Variants in NHEJ1 observed in about 807,000 individuals in gnomAD.
NHEJ1 encodes the protein non-homologous end joining factor 1, also known as non-homologous end-joining factor 1.
In NHEJ1, 22 loss-of-function variants were observed where a neutral mutation model predicts 39.4. The observed-to-expected ratio is 0.56, with a 90% CI of 0.40 to 0.80. The LOEUF (loss-of-function observed/expected upper bound fraction) is 0.80, where lower values mean the gene tolerates loss of function less well. Among genes scored for constraint, NHEJ1 ranks in the 30% least tolerant of loss-of-function variants. The pLI, the probability that NHEJ1 is intolerant of heterozygous loss-of-function variation, is 0.00. For missense variants in NHEJ1, 329 were observed against 357.1 expected, an observed-to-expected ratio of 0.92 and a Z score of 0.63; for synonymous variants, 154 against 135.6, an observed-to-expected ratio of 1.14 and a Z score of -0.94.
At chr2:219,107,281 G>A (rs73991045) in intron 5 of NHEJ1, among the ~76,000 whole-genome samples, 2,493 of 152,242 alleles carry the variant, frequency 0.016, 65 homozygotes, top group African/African-American at 0.056. Flanking sequence ...TCTTCCTGAA[G>A]AGGAAAAATA....
intron 5 of NHEJ1, among the ~76,000 whole-genome samples, chr2:219,133,927 A>G (rs150875784): frequency 6.6e-6 from 1 of 152,208 alleles, no homozygotes; most frequent in Non-Finnish European, 1.5e-5. Flanking sequence ...CTTCATCGGC[A>G]TAAGTTTTTC....
chr2:219,115,304 TAGAA>T (rs1264834538), intron 5 of NHEJ1, among the ~76,000 whole-genome samples: 3 of 152,042 alleles, frequency 2.0e-5, no homozygotes, highest in Non-Finnish European at 4.4e-5. Context: ...AGGGCCTAAT[TAGAA>T]AGAAAAGTGG....
chr2:219,100,395 G>C (rs888813193), intron 5 of NHEJ1, among the ~76,000 whole-genome samples: 1 of 150,376 alleles, frequency 6.6e-6, no homozygotes, highest in African/African-American at 2.4e-5. Context: ...TTGAGGCCAG[G>C]AGTTCGAGAC....
intron 5 of NHEJ1, among the ~76,000 whole-genome samples, chr2:219,123,763 G>A (rs1266705296): frequency 3.3e-5 from 5 of 151,946 alleles, no homozygotes; most frequent in South Asian, 2.1e-4. Context: ...AAGCTGATCC[G>A]ACCCCCTTTA....
At chr2:219,080,160 G>A (rs1559185697) in intron 5 of NHEJ1, among the ~76,000 whole-genome samples, 1 of 152,098 alleles carries the variant, frequency 6.6e-6, no homozygotes, top group African/African-American at 2.4e-5. Context: ...TGGTCCTGCA[G>A]TTGCTGGCAA....
chr2:219,146,647 C>A, intron 5 of NHEJ1, 33 bp downstream of exon 5: 1 of 1,557,914 alleles, frequency 6.4e-7, no homozygotes. Flanking sequence ...GGAAGTAGGG[C>A]AAAGACACAC....
intron 5 of NHEJ1, among the ~76,000 whole-genome samples, chr2:219,110,235 C>CG (rs1380702872): frequency 6.6e-6 from 1 of 152,124 alleles, no homozygotes; most frequent in Non-Finnish European, 1.5e-5. Context: ...AAAGCAGAAT[C>CG]TAAGGGGTGC....
At position 219,078,194 on chromosome 2, in the gene NHEJ1, C is replaced by A; in HGVS notation, c.601G>T (p.Ala201Ser). ...EQFMIEKLPE[A>S]CSIGDGKPFV... ...GGCTTTCCATCACCAATGCTGCATG[C>A]CTCTGGCAGTTTCTGTAAGAGAGAG... Residue 201 changes from alanine (A) to serine (S), a missense_variant, in exon 6 of 8, where the codon GCA becomes TCA. Transcript: ENST00000356853. The A allele has an allele frequency of 2.5e-6, 4 of 1,614,002 alleles. No homozygotes were observed. Among genetic ancestry groups the A allele is most frequent in the Non-Finnish European group, 3.4e-6 (4 of 1,179,902 alleles).
At chr2:219,077,161 G>GA in intron 7 of NHEJ1, 85 bp downstream of exon 7, 1 of 983,224 alleles carries the variant, frequency 1.0e-6, no homozygotes, top group South Asian at 1.3e-5. Flanking sequence ...CAGTGCCAAT[G>GA]AAGCAGCAAT....
intron 1 of NHEJ1, chr2:219,158,748 C>CCTG: frequency 3.7e-6 from 1 of 273,302 alleles, no homozygotes; most frequent in Non-Finnish European, 7.2e-6. Context: ...CACTCCTATC[C>CCTG]TTTCCCAGAA....
At chr2:219,108,066 T>C (rs1949330332) in intron 5 of NHEJ1, among the ~76,000 whole-genome samples, 1 of 151,992 alleles carries the variant, frequency 6.6e-6, no homozygotes, top group Non-Finnish European at 1.5e-5. Flanking sequence ...AGGTCACTAA[T>C]TGTGGCCCAG....
At chr2:219,155,610 T>C (rs552367916) in intron 3 of NHEJ1, among the ~76,000 whole-genome samples, 2 of 152,290 alleles carry the variant, frequency 1.3e-5, no homozygotes, top group Admixed American at 6.5e-5. Flanking sequence ...GTTCTAGTTT[T>C]ACTGGGCTCC....
intron 5 of NHEJ1, among the ~76,000 whole-genome samples, chr2:219,107,783 G>A (rs1479502119): frequency 1.3e-5 from 2 of 152,074 alleles, no homozygotes; most frequent in African/African-American, 4.8e-5. Flanking sequence ...AGTCCATACT[G>A]GTTCTAAGGG....
At chr2:219,146,156 C>A (rs1949737094) in intron 5 of NHEJ1, among the ~76,000 whole-genome samples, 1 of 152,132 alleles carries the variant, frequency 6.6e-6, no homozygotes, top group African/African-American at 2.4e-5. Context: ...TTCTGACAGG[C>A]CACAATTATC....
intron 5 of NHEJ1, among the ~76,000 whole-genome samples, chr2:219,094,636 C>A (rs1355210360): frequency 2.0e-5 from 3 of 152,170 alleles, no homozygotes; most frequent in Admixed American, 6.5e-5. Context: ...CTAGGTTTCA[C>A]TAAGCAGGAG....
intron 5 of NHEJ1, among the ~76,000 whole-genome samples, chr2:219,113,039 C>A (rs2106340415): frequency 6.6e-6 from 1 of 152,180 alleles, no homozygotes; most frequent in Non-Finnish European, 1.5e-5. Context: ...ATCTTAAAAT[C>A]ATGGGGTAGG....
rs1036753099 is a variant in NHEJ1, at chr2:219,111,902, G to T, written c.589-33696C>A. Among the ~76,000 whole-genome samples the T allele has an allele frequency of 1.3e-5, 2 of 152,186 alleles. No individual in the cohort carries two copies. The highest frequency in any genetic ancestry group is 4.8e-5 in the African/African-American group (2 of 41,438). ...CAGGATGGGGCGAGGCCATGCTTTA[G>T]GGGTGGGGGGATGAATGAGAGGGGC... On this transcript the variant is annotated intron_variant, in intron 5 of 7. Coordinates refer to ENST00000356853, the MANE Select transcript of NHEJ1 (RefSeq NM_024782.3). This position sits in a 1 kb window ranked among gnomAD's most constrained non-coding sequence, Gnocchi z 4.1.
intron 5 of NHEJ1, among the ~76,000 whole-genome samples, chr2:219,144,940 C>T (rs1379107008): frequency 6.6e-6 from 1 of 152,146 alleles, no homozygotes; most frequent in Non-Finnish European, 1.5e-5. Flanking sequence ...CTAGGCTAGG[C>T]ATGGTGGCTC....
intron 5 of NHEJ1, among the ~76,000 whole-genome samples, chr2:219,086,699 G>A (rs1949114423): frequency 6.6e-6 from 1 of 151,784 alleles, no homozygotes; most frequent in South Asian, 2.1e-4. Context: ...CCTCAGCTCT[G>A]CCCCCAAAGA....
Sources: gnomAD v4.1 joint callset for allele counts (sites outside exome capture counted in the v4.1 genomes callset) on GRCh38, gnomAD v4.1.1 for gene constraint, Gnocchi (gnomAD v3.1) non-coding constraint, MANE v1.5 for transcripts, NCBI Gene and HGNC (gene_info 2026-07-23, HGNC 2026-07-21) for gene names.